LRIG3: variants seen among roughly 807,000 people sequenced by gnomAD.
LRIG3 encodes the protein leucine rich repeats and immunoglobulin like domains 3.
A neutral mutation model predicts 114.5 loss-of-function variants in LRIG3; 76 were observed. The observed-to-expected ratio is 0.66, with a 90% CI of 0.55 to 0.80. The LOEUF (loss-of-function observed/expected upper bound fraction) is 0.80, where lower values mean the gene tolerates loss of function less well. LRIG3 is among the 30% of genes least tolerant of loss of function. The probability of loss-of-function intolerance (pLI) is 0.00; values close to 1 mark genes in which losing one functional copy is unlikely to be tolerated. For missense variants in LRIG3, 1,239 were observed against 1,382.8 expected (o/e 0.90, Z 1.65); for synonymous variants, 512 against 519.8 (o/e 0.98, Z 0.20).
At chr12:58,910,664 G>A (rs1449764904) in intron 3 of LRIG3, among the ~76,000 whole-genome samples, 2 of 152,092 alleles carry the variant, frequency 1.3e-5, no homozygotes, top group African/African-American at 4.8e-5. Flanking sequence ...CTCTTTGACA[G>A]TCACTGACCT....
At chr12:58,873,941 T>G in intron 18 of LRIG3, 114 bp downstream of exon 18, 3 of 1,233,192 alleles carry the variant, frequency 2.4e-6, no homozygotes, top group Non-Finnish European at 1.1e-6. Context: ...CATGGCAGCC[T>G]CATTCAAGAA....
At chr12:58,874,006 T>A in intron 18 of LRIG3, 49 bp downstream of exon 18, 1 of 1,599,126 alleles carries the variant, frequency 6.3e-7, no homozygotes, top group Non-Finnish European at 8.6e-7. Context: ...CACACACAAC[T>A]TGGAGTATGG....
At position 58,872,392 on chromosome 12, in the gene LRIG3, G is replaced by A. The variant is rs1483903060; in HGVS notation, c.*180C>T. 4.0e-6 allele frequency: 2 copies of A among 502,366 alleles called. No individual in the cohort carries two copies. Among genetic ancestry groups the A allele is most frequent in the Non-Finnish European group, 6.4e-6 (2 of 312,360 alleles). 31.1% of individuals were successfully genotyped at this position (502,366 alleles called of 1,614,324 possible). ...AGTTTAAAAAGGTATTCTTATATGA[G>A]CATCATTCCCAGTATAAAAATTTTC... is the stretch of plus-strand genomic sequence containing the variant. On this transcript the variant is annotated 3_prime_UTR_variant, in exon 19 of 19. Coordinates refer to ENST00000320743, the MANE Select transcript of LRIG3 (RefSeq NM_153377.5).
At chr12:58,885,566 A>G (rs1871249323) in intron 10 of LRIG3, among the ~76,000 whole-genome samples, 2 of 152,146 alleles carry the variant, frequency 1.3e-5, no homozygotes, top group Admixed American at 6.6e-5. Flanking sequence ...CTGTTTGAGA[A>G]AAACAATTAA....
Position 58,882,859 on chromosome 12 carries a change from T to C in LRIG3, c.1480+10A>G. ...AATAAATAAAAGGCAAGGGCAATAC[T>C]TATACTCACCACACACAAAGCCATC... On this transcript the variant is annotated intron_variant, in intron 12 of 18. Transcript: ENST00000320743. 2.5e-6 allele frequency: 4 copies of C among 1,610,924 alleles called. No homozygotes were observed. The highest frequency in any genetic ancestry group is 3.4e-6 in the Non-Finnish European group (4 of 1,178,674).
intron 13 of LRIG3, chr12:58,880,299 C>CAAAAAAAA (rs11442337): frequency 1.5e-5 from 5 of 341,562 alleles, no homozygotes; most frequent in African/African-American, 3.5e-5. Context: ...GATTCCGTCT[C>CAAAAAAAA]AAAAAAAAAA....
intron 3 of LRIG3, among the ~76,000 whole-genome samples, chr12:58,903,857 T>C (rs1024201188): frequency 4.6e-5 from 7 of 152,102 alleles, no homozygotes; most frequent in African/African-American, 1.7e-4. Flanking sequence ...CTCAGGTTTG[T>C]CCAAGATCAG....
intron 3 of LRIG3, among the ~76,000 whole-genome samples, chr12:58,908,583 T>C (rs1452169257): frequency 6.6e-6 from 1 of 152,226 alleles, no homozygotes; most frequent in African/African-American, 2.4e-5. Context: ...GTGACTTCTC[T>C]TGTTCTTTTT....
intron 3 of LRIG3, among the ~76,000 whole-genome samples, chr12:58,894,373 C>T (rs1871564108): frequency 6.6e-6 from 1 of 152,176 alleles, no homozygotes; most frequent in South Asian, 2.1e-4. Context: ...CTTATTAGCT[C>T]TCAGACTAAC....
intron 13 of LRIG3, among the ~76,000 whole-genome samples, chr12:58,880,028 C>G (rs938831271): frequency 6.6e-6 from 1 of 152,140 alleles, no homozygotes; most frequent in Admixed American, 6.5e-5. Context: ...CACGGTGGCT[C>G]ACACCTGTAA....
At chr12:58,907,326 A>T (rs1310749897) in intron 3 of LRIG3, among the ~76,000 whole-genome samples, 2 of 152,188 alleles carry the variant, frequency 1.3e-5, no homozygotes, top group African/African-American at 4.8e-5. Flanking sequence ...TCAGGCTACA[A>T]ATATTGTTGT....
intron 8 of LRIG3, 36 bp downstream of exon 8, chr12:58,887,746 AACCAATT>A (rs750214743): frequency 2.3e-5 from 36 of 1,597,804 alleles, no homozygotes; most frequent in Admixed American, 3.4e-5. Flanking sequence ...CATATTTAGG[AACCAATT>A]ACGTTCGAGT....
Position 58,872,486 on chromosome 12 carries a change from C to G in LRIG3, c.*86G>C. On this transcript the variant is annotated 3_prime_UTR_variant, in exon 19 of 19. Coordinates refer to ENST00000320743, the MANE Select transcript of LRIG3 (RefSeq NM_153377.5). ...TTTATCCTTTTAAAATTCATAACTC[C>G]ATTTAAAAAACATAAGATTCTCTCT... 2 of 1,368,410 alleles carry G rather than the reference C, an allele frequency of 1.5e-6. No individual in the cohort carries two copies. Among genetic ancestry groups the G allele is most frequent in the Non-Finnish European group, 1.9e-6 (2 of 1,036,260 alleles). 84.8% of individuals were successfully genotyped at this position (1,368,410 alleles called of 1,614,324 possible).
At chr12:58,909,982 C>G (rs913098449) in intron 3 of LRIG3, among the ~76,000 whole-genome samples, 16 of 152,256 alleles carry the variant, frequency 1.1e-4, no homozygotes, top group African/African-American at 3.6e-4. Context: ...TTCTGCTTTA[C>G]GTCTCTTCAA....
At position 58,880,124 on chromosome 12, in the gene LRIG3, G is replaced by A. The variant is rs535752651; in HGVS notation, c.1801+457C>T. Among the ~76,000 whole-genome samples the A allele has an allele frequency of 2.6e-5, 4 of 152,048 alleles. No individual in the cohort carries two copies. The East Asian group carries it at 5.8e-4, about 22-fold the overall frequency. On this transcript the variant is annotated intron_variant, in intron 13 of 18. Transcript: ENST00000320743. Reference sequence around the variant, plus strand: ...AGCCTGACCAATATAGTGAAACCCCGTCTCTACTAAAAATACAAAAAATTG... The same window carrying A: ...AGCCTGACCAATATAGTGAAACCCCATCTCTACTAAAAATACAAAAAATTG...
intron 3 of LRIG3, among the ~76,000 whole-genome samples, chr12:58,898,021 A>T (rs1247933140): frequency 1.3e-5 from 2 of 152,222 alleles, no homozygotes. Flanking sequence ...ACTGGAGTGC[A>T]GACACTCAAG....
chr12:58,919,487 T>C (rs1275722737), intron 1 of LRIG3: 2 of 1,551,402 alleles, frequency 1.3e-6, no homozygotes, highest in Admixed American at 3.9e-5. Context: ...CACCATAACT[T>C]GGAGAATGAC....
Position 58,883,505 on chromosome 12 carries a change from A to G in LRIG3, c.1316+15T>C, listed in dbSNP as rs747230400. 2.0e-6 allele frequency: 3 copies of G among 1,524,914 alleles called. No individual in the cohort carries two copies. Among genetic ancestry groups the G allele is most frequent in the African/African-American group, 1.4e-5 (1 of 73,968 alleles). 94.5% of individuals were successfully genotyped at this position (1,524,914 alleles called of 1,614,324 possible). A position where few individuals can be genotyped will look rare whatever the true frequency, so the allele number is the denominator to read the frequency against. On this transcript the variant is annotated intron_variant, in intron 11 of 18. Coordinates refer to ENST00000320743, the MANE Select transcript of LRIG3 (RefSeq NM_153377.5). ...TCTATACTTTCAGACTCCTAGAAGG[A>G]AAAGAAAAGCTTACAATTGTTGCAG...
At position 58,920,423 on chromosome 12, in the gene LRIG3, G is replaced by A; in HGVS notation, c.-188C>T. 2.4e-6 allele frequency: 1 copy of A among 422,582 alleles called. No homozygotes were observed. The highest frequency in any genetic ancestry group is 4.1e-6 in the Non-Finnish European group (1 of 244,834). The allele number at this position is 422,582 out of a possible 1,614,324, so 26.2% of individuals were successfully genotyped here. The stretch of plus-strand genomic sequence containing the variant: ...GCCCTTTCATGCCCCCAAACAGCAG[G>A]AGGGAAACCGAAAAGAACTGCCAAC... On this transcript the variant is annotated 5_prime_UTR_variant, in exon 1 of 19. Transcript: ENST00000320743.
Sources: gnomAD v4.1 joint callset for allele counts (sites outside exome capture counted in the v4.1 genomes callset) on GRCh38, gnomAD v4.1.1 for gene constraint, MANE v1.5 for transcripts, NCBI Gene and HGNC (gene_info 2026-07-23, HGNC 2026-07-21) for gene names.